The following LRFN5 variants were observed in gnomAD, a reference collection of about 807,000 sequenced individuals.
LRFN5 encodes leucine rich repeat and fibronectin type III domain containing 5, also known as leucine-rich repeat and fibronectin type-III domain-containing protein 5.
LRFN5 carries 24 observed loss-of-function variants against 45.6 expected under a neutral mutation model. The observed-to-expected ratio is 0.53, with a 90% CI of 0.38 to 0.74. The LOEUF is 0.74. Ranked by LOEUF, LRFN5 falls within the 30% of genes least tolerant of loss-of-function variation. The probability of loss-of-function intolerance (pLI) is 0.00; values close to 1 mark genes in which losing one functional copy is unlikely to be tolerated. For synonymous variants in LRFN5, 340 were observed against 313.8 expected (o/e 1.08, Z -0.88); for missense variants, 776 against 861.5 (o/e 0.90, Z 1.24).
At chr14:41,615,146 A>G (rs1359823773) in intron 1 of LRFN5, among the ~76,000 whole-genome samples, 1 of 152,046 alleles carries the variant, frequency 6.6e-6, no homozygotes, top group Admixed American at 6.5e-5. Context: ...TTCAATCTTA[A>G]ATTTTTTTTA....
At chr14:41,821,079 C>T (rs1888096184) in intron 2 of LRFN5, among the ~76,000 whole-genome samples, 1 of 151,922 alleles carries the variant, frequency 6.6e-6, no homozygotes, top group South Asian at 2.1e-4. Flanking sequence ...TGAGTTCCTC[C>T]TTTCCAATTT....
At chr14:41,758,315 G>A (rs1885502838) in intron 1 of LRFN5, among the ~76,000 whole-genome samples, 1 of 152,144 alleles carries the variant, frequency 6.6e-6, no homozygotes, top group South Asian at 2.1e-4. Flanking sequence ...TGAATGCTGA[G>A]ATTGCAGTCC....
At chr14:41,828,659 A>G (rs892480898) in intron 2 of LRFN5, among the ~76,000 whole-genome samples, 1 of 151,942 alleles carries the variant, frequency 6.6e-6, no homozygotes, top group Non-Finnish European at 1.5e-5. Context: ...AATAAGTCCT[A>G]TTGATTCTCC....
rs1428826518 is a variant in LRFN5, at chr14:41,887,079, C to A, written c.454C>A (p.Leu152Met). 12 of 1,613,860 alleles carry A rather than the reference C, an allele frequency of 7.4e-6. No individual in the cohort carries two copies. Among genetic ancestry groups the A allele is most frequent in the African/African-American group, 4.0e-5 (3 of 74,922 alleles). Reference sequence around the variant, plus strand: ...TGATGATGTCTTCGCCCTTGAGGAGCTGGATCTGTCCTATAATAATCTAGA... The same window carrying A: ...TGATGATGTCTTCGCCCTTGAGGAGATGGATCTGTCCTATAATAATCTAGA... ...AFDDVFALEE[L>M]DLSYNNLETI... Residue 152 changes from leucine to methionine, a missense_variant, in exon 3 of 6, where the codon CTG becomes ATG. This residue lies in a region of LRFN5 where 311 missense variants were observed against 405.1 expected (regional missense o/e 0.77). Coordinates refer to ENST00000298119, the MANE Select transcript of LRFN5 (RefSeq NM_152447.5). This position sits in a 1 kb window ranked among gnomAD's most constrained non-coding sequence, Gnocchi z 4.8.
chr14:41,659,838 A>T (rs1880555411), intron 1 of LRFN5, among the ~76,000 whole-genome samples: 1 of 148,970 alleles, frequency 6.7e-6, no homozygotes, highest in African/African-American at 2.5e-5. Context: ...TGTTGGCTGT[A>T]TGAATGCCTT....
intron 2 of LRFN5, among the ~76,000 whole-genome samples, chr14:41,833,650 T>A (rs1014953725): frequency 1.3e-5 from 2 of 152,326 alleles, no homozygotes; most frequent in Middle Eastern, 3.4e-3. Flanking sequence ...CAAAGAACAT[T>A]TAGTGTACCT....
chr14:41,743,652 A>G (rs1399385521), intron 1 of LRFN5, among the ~76,000 whole-genome samples: 2 of 152,186 alleles, frequency 1.3e-5, no homozygotes, highest in African/African-American at 4.8e-5. Context: ...TATATCATGT[A>G]TTTAAAAATT....
chr14:41,610,347 A>G (rs1392197330), intron 1 of LRFN5, among the ~76,000 whole-genome samples: 1 of 152,238 alleles, frequency 6.6e-6, no homozygotes, highest in Non-Finnish European at 1.5e-5. Flanking sequence ...TGCATGATTT[A>G]TCAGGATTAA....
intron 2 of LRFN5, among the ~76,000 whole-genome samples, chr14:41,817,047 C>T (rs1276800075): frequency 2.7e-5 from 4 of 145,588 alleles, no homozygotes; most frequent in Non-Finnish European, 4.5e-5. Context: ...TTCTTTCCTC[C>T]GCTGTGTCCA....
intron 1 of LRFN5, among the ~76,000 whole-genome samples, chr14:41,743,346 A>G (rs913866607): frequency 1.3e-5 from 2 of 152,162 alleles, no homozygotes; most frequent in African/African-American, 4.8e-5. Context: ...GACTTGAGCC[A>G]GTTACCTTTG....
At chr14:41,722,664 G>A (rs1430176417) in intron 1 of LRFN5, among the ~76,000 whole-genome samples, 1 of 150,792 alleles carries the variant, frequency 6.6e-6, no homozygotes, top group Non-Finnish European at 1.5e-5. Flanking sequence ...TGCCTCTATA[G>A]CCCTATGCAT....
At position 41,698,358 on chromosome 14, in the gene LRFN5, A is replaced by G. The variant is rs144259641; in HGVS notation, c.-196-68496A>G. On this transcript the variant is annotated intron_variant, in intron 1 of 5. Coordinates refer to ENST00000298119, the MANE Select transcript of LRFN5 (RefSeq NM_152447.5). ...AAAATTTAGGCACTGCTCCAGGCCT[A>G]CTATATCAGATTTTACATTAAATAA... Among the ~76,000 whole-genome samples, 593 of 152,232 alleles carry G rather than the reference A, an allele frequency of 3.9e-3. 5 individuals carry two copies. The highest frequency in any genetic ancestry group is 0.014 in the African/African-American group (562 of 41,576).
chr14:41,805,003 A>T (rs1887470308), intron 2 of LRFN5, among the ~76,000 whole-genome samples: 1 of 152,094 alleles, frequency 6.6e-6, no homozygotes. Context: ...AGTGATGGTA[A>T]TGGTTTTACT....
intron 2 of LRFN5, among the ~76,000 whole-genome samples, chr14:41,808,760 A>G (rs1471946036): frequency 6.6e-6 from 1 of 152,102 alleles, no homozygotes; most frequent in African/African-American, 2.4e-5. Context: ...GATGTGTGTC[A>G]TTTAACATAA....
At chr14:41,799,415 C>G (rs1887246941) in intron 2 of LRFN5, among the ~76,000 whole-genome samples, 1 of 147,476 alleles carries the variant, frequency 6.8e-6, no homozygotes, top group Admixed American at 6.8e-5. Flanking sequence ...ACAAACTTAA[C>G]AACTAATAGC....
chr14:41,695,637 G>C (rs1882577022), intron 1 of LRFN5, among the ~76,000 whole-genome samples: 1 of 151,888 alleles, frequency 6.6e-6, no homozygotes. Context: ...TCTATAAATG[G>C]AACGACAAAG....
At chr14:41,840,560 G>A (rs1006607498) in intron 2 of LRFN5, among the ~76,000 whole-genome samples, 3 of 151,944 alleles carry the variant, frequency 2.0e-5, no homozygotes, top group Admixed American at 2.0e-4. Flanking sequence ...ATTTAAAGTA[G>A]CCATTGACAA....
At chr14:41,876,867 A>G (rs938849993) in intron 2 of LRFN5, among the ~76,000 whole-genome samples, 1 of 152,142 alleles carries the variant, frequency 6.6e-6, no homozygotes, top group Admixed American at 6.5e-5. Flanking sequence ...ACTTGTTGAA[A>G]TCACTTTTTG....
At position 41,648,121 on chromosome 14, in the gene LRFN5, G is replaced by T. The variant is rs1442108484; in HGVS notation, c.-197+39559G>T. Among the ~76,000 whole-genome samples the T allele has an allele frequency of 2.0e-5, 3 of 152,036 alleles. No homozygotes were observed. In the East Asian group the frequency reaches 5.8e-4, roughly 29 times the overall value. Reference sequence around the variant, plus strand: ...GCGCCATCAGCATTTTGCTTATTTGGTGAGAAATCACCAAATCTGTTATTG... The same window carrying T: ...GCGCCATCAGCATTTTGCTTATTTGTTGAGAAATCACCAAATCTGTTATTG... On this transcript the variant is annotated intron_variant, in intron 1 of 5. Transcript: ENST00000298119.
Sources: allele counts gnomAD v4.1 joint callset (sites outside exome capture counted in the v4.1 genomes callset), GRCh38; gene constraint gnomAD v4.1.1; regional missense constraint gnomAD v4.1.1; non-coding constraint Gnocchi (gnomAD v3.1); transcripts MANE v1.5; gene names NCBI Gene and HGNC (gene_info 2026-07-23, HGNC 2026-07-21).